The following DISC1 variants were observed in gnomAD, a reference collection of about 807,000 sequenced individuals.
The protein encoded by DISC1 is DISC1 scaffold protein.
A neutral mutation model predicts 84.5 loss-of-function variants in DISC1; 57 were observed. The ratio of observed to expected loss-of-function variants is 0.67; its 90% CI spans 0.55 to 0.84. DISC1 has a LOEUF of 0.84. Ranked by LOEUF, DISC1 falls within the 40% of genes least tolerant of loss-of-function variation. The pLI, the probability that DISC1 is intolerant of heterozygous loss-of-function variation, is 0.00. For missense variants in DISC1, 1,000 were observed against 1,057.8 expected, an observed-to-expected ratio of 0.95 and a Z score of 0.76; for synonymous variants, 411 against 415.2, an observed-to-expected ratio of 0.99 and a Z score of 0.12.
At chr1:231,757,913 C>A (rs1050216271) in intron 4 of DISC1, among the ~76,000 whole-genome samples, 1 of 151,886 alleles carries the variant, frequency 6.6e-6, no homozygotes, top group Non-Finnish European at 1.5e-5. Context: ...CAACTGGGAA[C>A]CGTGCTCACA....
At chr1:231,757,121 A>G (rs894470989) in intron 4 of DISC1, among the ~76,000 whole-genome samples, 3 of 152,244 alleles carry the variant, frequency 2.0e-5, no homozygotes, top group Non-Finnish European at 2.9e-5. Flanking sequence ...TATCAACATG[A>G]ACAATGTTAA....
chr1:231,953,822 C>T (rs534853548), intron 9 of DISC1, among the ~76,000 whole-genome samples: 24 of 152,230 alleles, frequency 1.6e-4, no homozygotes, highest in Admixed American at 3.9e-4. Flanking sequence ...AAGGTGAGAT[C>T]GTATCGTACT....
At chr1:232,010,317 GGAGGGAAGTGC>G (rs1667913989) in intron 11 of DISC1, among the ~76,000 whole-genome samples, 1 of 152,182 alleles carries the variant, frequency 6.6e-6, no homozygotes, top group Admixed American at 6.5e-5. Flanking sequence ...ATTCTGGGGT[GGAGGGAAGTGC>G]CACCTAAGCA....
chr1:231,900,868 G>A (rs2088118041), intron 9 of DISC1, among the ~76,000 whole-genome samples: 3 of 152,134 alleles, frequency 2.0e-5, no homozygotes, highest in African/African-American at 4.8e-5. Flanking sequence ...TACAGGGTTT[G>A]AAAAATAGGC....
At chr1:231,861,536 C>T (rs2084652550) in intron 9 of DISC1, among the ~76,000 whole-genome samples, 1 of 139,976 alleles carries the variant, frequency 7.1e-6, no homozygotes, top group African/African-American at 2.6e-5. Flanking sequence ...GAATTTTTCT[C>T]AGAGCCTAAT....
intron 9 of DISC1, among the ~76,000 whole-genome samples, chr1:231,847,044 G>A (rs776031042): frequency 2.6e-5 from 4 of 152,100 alleles, no homozygotes; most frequent in South Asian, 2.1e-4. Context: ...AGTTTGCTAG[G>A]CCTACTGCCA....
At chr1:231,643,684 T>C (rs1362113614) in intron 1 of DISC1, among the ~76,000 whole-genome samples, 1 of 152,246 alleles carries the variant, frequency 6.6e-6, no homozygotes, top group Non-Finnish European at 1.5e-5. Context: ...GAATAAGCTA[T>C]TTAATTCTCT....
At chr1:231,769,477 A>G (rs1167312854) in intron 5 of DISC1, among the ~76,000 whole-genome samples, 1 of 152,248 alleles carries the variant, frequency 6.6e-6, no homozygotes, top group African/African-American at 2.4e-5. Context: ...TTGAACCTTG[A>G]GGACATTATG....
chr1:231,663,152 A>C (rs758345793), intron 1 of DISC1, among the ~76,000 whole-genome samples: 1 of 152,214 alleles, frequency 6.6e-6, no homozygotes, highest in Admixed American at 6.5e-5. Context: ...AATAGTAACA[A>C]AAAGAGAGCT....
intron 11 of DISC1, among the ~76,000 whole-genome samples, chr1:232,020,208 G>T (rs1333919749): frequency 6.6e-6 from 1 of 152,100 alleles, no homozygotes; most frequent in Non-Finnish European, 1.5e-5. Flanking sequence ...CTGGCATGGT[G>T]GTGCATGCCT....
chr1:231,839,834 G>T (rs1055411129), intron 9 of DISC1, among the ~76,000 whole-genome samples: 1 of 152,168 alleles, frequency 6.6e-6, no homozygotes, highest in Non-Finnish European at 1.5e-5. Context: ...GAGAGAGGGA[G>T]CAAGAGGCGA....
chr1:231,869,903 A>G (rs1558671708), intron 9 of DISC1, among the ~76,000 whole-genome samples: 1 of 152,162 alleles, frequency 6.6e-6, no homozygotes, highest in South Asian at 2.1e-4. Flanking sequence ...TTTCTAGATA[A>G]AATTCTTACT....
intron 9 of DISC1, among the ~76,000 whole-genome samples, chr1:231,955,825 C>T (rs910556383): frequency 3.3e-5 from 5 of 152,116 alleles, no homozygotes; most frequent in Admixed American, 1.3e-4. Context: ...ATTTGACCCA[C>T]CAGGAAAGCT....
At chr1:231,950,514 G>C (rs577678717) in intron 9 of DISC1, among the ~76,000 whole-genome samples, 1 of 152,200 alleles carries the variant, frequency 6.6e-6, no homozygotes, top group Non-Finnish European at 1.5e-5. Flanking sequence ...ACAAAGGCAC[G>C]TGAGTGGGAG....
chr1:231,744,900 C>G (rs1432601107), intron 3 of DISC1, among the ~76,000 whole-genome samples: 1 of 152,112 alleles, frequency 6.6e-6, no homozygotes, highest in African/African-American at 2.4e-5. Context: ...GAATCCTTCT[C>G]TCAATGTTTC....
intron 1 of DISC1, among the ~76,000 whole-genome samples, chr1:231,668,114 T>G (rs2062196774): frequency 6.6e-6 from 1 of 151,976 alleles, no homozygotes; most frequent in Non-Finnish European, 1.5e-5. Context: ...TCAGGATAAG[T>G]ACAACACACT....
rs1669739504 is a variant in DISC1 at position 232,028,939 on chromosome 1, G to A, written c.2425+2387G>A. On this transcript the variant is annotated intron_variant, in intron 12 of 12. Transcript: ENST00000439617. ...CTACTTGACAGTCGAAAAAAACAAGGCTTGGGAACAACTTGGCTGACACAA... is the reference window on the plus strand; with the variant it reads ...CTACTTGACAGTCGAAAAAAACAAGACTTGGGAACAACTTGGCTGACACAA... Among the ~76,000 whole-genome samples, 6 of 152,198 alleles carry A rather than the reference G, an allele frequency of 3.9e-5. No individual in the cohort carries two copies. In the South Asian group the frequency reaches 1.2e-3, roughly 32 times the overall value.
chr1:231,931,844 G>A (rs2090682517), intron 9 of DISC1, among the ~76,000 whole-genome samples: 1 of 151,918 alleles, frequency 6.6e-6, no homozygotes, highest in Non-Finnish European at 1.5e-5. Flanking sequence ...TATAGACAAG[G>A]TCTCACTGTG....
intron 3 of DISC1, among the ~76,000 whole-genome samples, chr1:231,716,100 T>C (rs1048334966): frequency 2.0e-5 from 3 of 152,160 alleles, no homozygotes; most frequent in Admixed American, 2.0e-4. Flanking sequence ...TATTGAAGAA[T>C]TATTTGCTGC....
Sources: gnomAD v4.1 joint callset for allele counts (sites outside exome capture counted in the v4.1 genomes callset) on GRCh38, gnomAD v4.1.1 for gene constraint, MANE v1.5 for transcripts, NCBI Gene and HGNC (gene_info 2026-07-23, HGNC 2026-07-21) for gene names.